The following LYPD8 variants were observed in gnomAD, a reference collection of about 807,000 sequenced individuals.
LYPD8 encodes ly6/PLAUR domain-containing protein 8.
In LYPD8, 8 loss-of-function variants were observed where a neutral mutation model predicts 1.7. That is an observed-to-expected ratio of 4.58 (90% CI 2.69 to 8.27). The LOEUF (loss-of-function observed/expected upper bound fraction) is 8.27. Ranked by LOEUF, LYPD8 falls within the 30% of genes most tolerant of loss-of-function variation. LYPD8 has a pLI of 0.00. For missense variants in LYPD8, 112 were observed against 102.3 expected, an observed-to-expected ratio of 1.09 and a Z score of -0.41; for synonymous variants, 50 against 43.6, an observed-to-expected ratio of 1.15 and a Z score of -0.58.
At chr1:248,752,769 C>A (rs1293601452) in intron 2 of LYPD8, among the ~76,000 whole-genome samples, 2 of 119,140 alleles carry the variant, frequency 1.7e-5, no homozygotes, top group South Asian at 2.8e-4. Context: ...CACCACACAC[C>A]CCACACAACA....
chr1:248,753,129 ACACACACACCC>A (rs1662850605), intron 2 of LYPD8, among the ~76,000 whole-genome samples: 1 of 58,040 alleles, frequency 1.7e-5, no homozygotes, highest in South Asian at 7.1e-4. Flanking sequence ...ACACAACACA[ACACACACACCC>A]CACACACAAA....
At position 248,749,159 on chromosome 1, in the gene LYPD8, C is replaced by A. The variant is rs1407790807; in HGVS notation, c.173-706G>T. Among the ~76,000 whole-genome samples the A allele has an allele frequency of 2.0e-5, 3 of 152,120 alleles. No individual in the cohort carries two copies. The South Asian group carries it at 6.2e-4, about 31-fold the overall frequency. On this transcript the variant is annotated intron_variant, in intron 4 of 6. Transcript: ENST00000590317. ...GCTAGAATATGGGACAGCTACAGGA[C>A]AAATGACCCATTTCTCTAACAAACC... is the stretch of plus-strand genomic sequence containing the variant.
intron 2 of LYPD8, among the ~76,000 whole-genome samples, chr1:248,752,964 C>CACAT (rs1662841260): frequency 1.6e-5 from 2 of 124,562 alleles, no homozygotes; most frequent in East Asian, 4.9e-4. Context: ...ACCAAACACC[C>CACAT]CACACAACAC....
chr1:248,741,980 G>A (rs1323666994), intron 6 of LYPD8, among the ~76,000 whole-genome samples: 1 of 152,178 alleles, frequency 6.6e-6, no homozygotes, highest in African/African-American at 2.4e-5. Context: ...AGAGCATAGA[G>A]GAATTTTAAG....
rs912496997 is a variant in LYPD8 at position 248,750,540 on chromosome 1, T to C, written c.156A>G (p.Ser52=). Residue 52 remains serine (S), a synonymous_variant, in exon 4 of 7, where the codon TCA becomes TCG. Coordinates refer to ENST00000590317, the MANE Select transcript of LYPD8 (RefSeq NM_001085474.2). The part of the protein sequence containing the change: ...SHANTSCISS[S]ASSSLETPVR... Reference sequence around the variant, plus strand: ...CAGGCTCACCTAGAGAGGAGCTGGCTGAGGAGCTGATACAGCTGGTGTTGG... The same window carrying C: ...CAGGCTCACCTAGAGAGGAGCTGGCCGAGGAGCTGATACAGCTGGTGTTGG... 2.5e-6 allele frequency: 1 copy of C among 398,624 alleles called. No individual in the cohort carries two copies. The highest frequency in any genetic ancestry group is 4.4e-6 in the Non-Finnish European group (1 of 226,088). The allele number at this position is 398,624 out of a possible 1,614,324, so 24.7% of individuals were successfully genotyped here. A position where few individuals can be genotyped will look rare whatever the true frequency, so the allele number is the denominator to read the frequency against.
intron 6 of LYPD8, among the ~76,000 whole-genome samples, chr1:248,741,433 C>G (rs1662596156): frequency 6.6e-6 from 1 of 152,194 alleles, no homozygotes; most frequent in African/African-American, 2.4e-5. Context: ...TCTTGAACTC[C>G]TGACCTCAAG....
At position 248,751,055 on chromosome 1, in the gene LYPD8, G is replaced by A; in HGVS notation, c.27C>T (p.Ile9=). 2.5e-6 allele frequency: 1 copy of A among 398,656 alleles called. No homozygotes were observed. Among genetic ancestry groups the A allele is most frequent in the Non-Finnish European group, 4.4e-6 (1 of 226,064 alleles). 24.7% of individuals were successfully genotyped at this position (398,656 alleles called of 1,614,324 possible). Residue 9 remains isoleucine (I), a synonymous_variant, in exon 3 of 7, where the codon ATC becomes ATT. Transcript: ENST00000590317. ...CTACAGCTGCAACAAGCACTGCAGT[G>A]ATACCAGCAACGAGGATGCCCTTCA... MKGILVAG[I]TAVLVAAVES...
rs1662783140 is a variant in LYPD8, at chr1:248,750,512, AC to A, written c.172+11del. ...CCCCAGAGGCAGGAAGGACACACAC[AC>A]CCAGGCTCACCTAGAGAGGAGCTGG... On this transcript the variant is annotated intron_variant, in intron 4 of 6. Transcript: ENST00000590317. 1 of 398,380 alleles carries A rather than the reference AC, an allele frequency of 2.5e-6. No homozygotes were observed. Among genetic ancestry groups the A allele is most frequent in the East Asian group, 3.6e-5 (1 of 28,084 alleles). 24.7% of individuals were successfully genotyped at this position (398,380 alleles called of 1,614,324 possible).
chr1:248,741,699 A>T (rs1662603165), intron 6 of LYPD8, among the ~76,000 whole-genome samples: 1 of 152,250 alleles, frequency 6.6e-6, no homozygotes, highest in Non-Finnish European at 1.5e-5. Flanking sequence ...AGAGCTGGGG[A>T]CAAGATAAGC....
chr1:248,745,078 T>C, intron 6 of LYPD8, 64 bp downstream of exon 6: 1 of 397,736 alleles, frequency 2.5e-6, no homozygotes, highest in Non-Finnish European at 4.4e-6. Flanking sequence ...CCAGAATTTA[T>C]GAACCAAGAC....
At chr1:248,744,291 T>C (rs1281163855) in intron 6 of LYPD8, among the ~76,000 whole-genome samples, 1 of 152,220 alleles carries the variant, frequency 6.6e-6, no homozygotes, top group Non-Finnish European at 1.5e-5. Context: ...GGGCTTGAGA[T>C]GTCCACCCAA....
intron 5 of LYPD8, among the ~76,000 whole-genome samples, chr1:248,745,877 A>G (rs923124138): frequency 5.9e-5 from 9 of 152,266 alleles, no homozygotes; most frequent in African/African-American, 2.2e-4. Flanking sequence ...GGTTCAAACC[A>G]TACTCATGAT....
intron 2 of LYPD8, among the ~76,000 whole-genome samples, chr1:248,753,320 CACA>C (rs1457146365): frequency 0.04 from 4,529 of 114,086 alleles, 334 homozygotes; most frequent in East Asian, 0.13. Flanking sequence ...CCACACAACA[CACA>C]ACACATCACA....
At chr1:248,755,564 T>G (rs988362231) in intron 1 of LYPD8, 141 bp downstream of exon 1, 5 of 152,314 alleles carry the variant, frequency 3.3e-5, no homozygotes, top group Admixed American at 1.3e-4. Flanking sequence ...AGCATACGAC[T>G]GCCTAGGGCA....
chr1:248,746,674 C>G, intron 5 of LYPD8, among the ~76,000 whole-genome samples: 1 of 48,172 alleles, frequency 2.1e-5, no homozygotes, highest in Non-Finnish European at 4.4e-5. Flanking sequence ...CCACCCAGGG[C>G]ATCGCCCGCA....
At chr1:248,743,858 G>C (rs1662671454) in intron 6 of LYPD8, among the ~76,000 whole-genome samples, 2 of 152,224 alleles carry the variant, frequency 1.3e-5, no homozygotes, top group East Asian at 3.8e-4. Context: ...CGGTGAGTGG[G>C]GGCCAGAGCT....
chr1:248,748,800 T>G (rs933498207), intron 4 of LYPD8, among the ~76,000 whole-genome samples: 13 of 152,166 alleles, frequency 8.5e-5, no homozygotes, highest in African/African-American at 2.9e-4. Context: ...TTATGTGCAA[T>G]ATGACATCCA....
intron 2 of LYPD8, among the ~76,000 whole-genome samples, chr1:248,753,829 T>A (rs1662879346): frequency 1.8e-5 from 2 of 113,718 alleles, no homozygotes; most frequent in African/African-American, 7.4e-5. Flanking sequence ...CCACATAACA[T>A]CACATGTCAC....
intron 2 of LYPD8, among the ~76,000 whole-genome samples, chr1:248,752,839 CCACACACACACACCACACCACACA>C (rs1662834607): frequency 1.0e-5 from 1 of 96,618 alleles, no homozygotes; most frequent in Non-Finnish European, 2.0e-5. Context: ...ACACCACACC[CCACACACACACACCACACCACACA>C]CACACCACAC....
Sources: gnomAD v4.1 joint callset for allele counts (sites outside exome capture counted in the v4.1 genomes callset) on GRCh38, gnomAD v4.1.1 for gene constraint, MANE v1.5 for transcripts, NCBI Gene and HGNC (gene_info 2026-07-23, HGNC 2026-07-21) for gene names.